FRMPD4: variants seen among roughly 807,000 people sequenced by gnomAD.
The protein encoded by FRMPD4 is FERM and PDZ domain containing 4, also known as FERM and PDZ domain-containing protein 4.
FRMPD4 carries 22 observed loss-of-function variants against 94.1 expected under a neutral mutation model. The observed-to-expected ratio is 0.23, with a 90% CI of 0.17 to 0.33. The LOEUF (loss-of-function observed/expected upper bound fraction) is 0.33, where lower values mean the gene tolerates loss of function less well. Among genes scored for constraint, FRMPD4 ranks in the 10% least tolerant of loss-of-function variants. FRMPD4 has a pLI of 1.00. For missense variants in FRMPD4, 1,111 were observed against 1,339.9 expected (o/e 0.83, Z 2.67); for synonymous variants, 631 against 548.6 (o/e 1.15, Z -2.10).
At chrX:12,581,827 C>T (rs1911496008) in intron 2 of FRMPD4, among the ~76,000 whole-genome samples, 1 of 111,943 alleles carries the variant, frequency 8.9e-6, no homozygotes, top group South Asian at 3.8e-4. Flanking sequence ...TGATTCACTC[C>T]CTCTCTTCCT....
In FRMPD4 at chrX:12,326,411, C is replaced by G. The variant is rs151129081; in HGVS notation, c.42-172269C>G. Among the ~76,000 whole-genome samples the G allele has an allele frequency of 8.4e-3, 942 of 111,764 alleles. 12 individuals are homozygous for G. Among genetic ancestry groups the G allele is most frequent in the African/African-American group, 0.03 (907 of 30,712 alleles). On this transcript the variant is annotated intron_variant, in intron 1 of 16. Transcript: ENST00000675598. ...TAATTCTTTGTTGTTAGGTGCAGTC[C>G]TGTGCATTGTAAGGTATGTAACAGG...
At chrX:11,987,098 T>A (rs58476068) in intron 3 of FRMPD4, among the ~76,000 whole-genome samples, 230 of 21,830 alleles carry the variant, frequency 0.011, 4 homozygotes, top group African/African-American at 0.049. Flanking sequence ...AAAGACACAT[T>A]AAAAAAAAAA....
chrX:12,666,305 A>T (rs2059778614), intron 4 of FRMPD4, among the ~76,000 whole-genome samples: 1 of 111,267 alleles, frequency 9.0e-6, no homozygotes, highest in East Asian at 2.8e-4. Context: ...CTACAAAGAG[A>T]CTTAGACTCC....
chrX:12,567,901 T>C (rs1382822395), intron 2 of FRMPD4, among the ~76,000 whole-genome samples: 1 of 111,858 alleles, frequency 8.9e-6, no homozygotes. Context: ...TAGTCTCAGG[T>C]TTTGGTAACA....
intron 3 of FRMPD4, among the ~76,000 whole-genome samples, chrX:11,902,201 G>A (rs1394641384): frequency 8.9e-6 from 1 of 112,594 alleles, no homozygotes; most frequent in Non-Finnish European, 1.9e-5. Flanking sequence ...TATGAAAGAT[G>A]CAATTTGACA....
intron 1 of FRMPD4, among the ~76,000 whole-genome samples, chrX:12,143,431 A>G (rs5935244): frequency 0.16 from 17,875 of 112,459 alleles, 1,048 homozygotes; most frequent in South Asian, 0.35. Context: ...TGTATTATCT[A>G]TGGCTGCATT....
At chrX:12,490,514 G>A (rs1477454996) in intron 1 of FRMPD4, among the ~76,000 whole-genome samples, 1 of 112,202 alleles carries the variant, frequency 8.9e-6, no homozygotes, top group East Asian at 2.8e-4. Flanking sequence ...GTACAAACTA[G>A]GCATTCAATC....
At chrX:12,655,859 T>G (rs775757478) in intron 4 of FRMPD4, among the ~76,000 whole-genome samples, 1 of 112,287 alleles carries the variant, frequency 8.9e-6, no homozygotes, top group Non-Finnish European at 1.9e-5. Flanking sequence ...TATTACTAAC[T>G]GCTCACCAGG....
At chrX:11,964,156 G>T (rs10284049) in intron 3 of FRMPD4, among the ~76,000 whole-genome samples, 1,998 of 97,227 alleles carry the variant, frequency 0.021, 18 homozygotes, top group East Asian at 0.045. Flanking sequence ...TGCTTTTTTT[G>T]TTGTTGTTGT....
chrX:12,470,433 C>G (rs1462795442), intron 1 of FRMPD4, among the ~76,000 whole-genome samples: 1 of 111,818 alleles, frequency 8.9e-6, no homozygotes, highest in Admixed American at 9.5e-5. Context: ...CTGTATCACC[C>G]GCCTTCACTG....
chrX:12,276,981 C>T (rs937554274), intron 1 of FRMPD4, among the ~76,000 whole-genome samples: 2 of 106,256 alleles, frequency 1.9e-5, no homozygotes, highest in Admixed American at 1.0e-4. Context: ...ATTAGCCGGG[C>T]GTAGTGGCGG....
intron 1 of FRMPD4, among the ~76,000 whole-genome samples, chrX:12,202,211 A>G (rs1271084356): frequency 8.9e-6 from 1 of 111,756 alleles, no homozygotes; most frequent in Non-Finnish European, 1.9e-5. Context: ...CTAGAGGCTT[A>G]TATTTATAGC....
chrX:11,885,365 G>C (rs2053839841), intron 3 of FRMPD4, among the ~76,000 whole-genome samples: 1 of 110,752 alleles, frequency 9.0e-6, no homozygotes, highest in African/African-American at 3.3e-5. Context: ...GAGACAGAGA[G>C]TAGACTGGTG....
intron 1 of FRMPD4, among the ~76,000 whole-genome samples, chrX:12,496,694 C>A (rs1353002264): frequency 2.7e-5 from 3 of 111,364 alleles, no homozygotes; most frequent in Non-Finnish European, 5.7e-5. Flanking sequence ...CATACTAAGG[C>A]CTTTCAGATC....
intron 4 of FRMPD4, among the ~76,000 whole-genome samples, chrX:12,671,773 G>A (rs2059846862): frequency 9.0e-6 from 1 of 111,049 alleles, no homozygotes; most frequent in Non-Finnish European, 1.9e-5. Context: ...TTGGGAATAA[G>A]TAGAGCACGC....
intron 2 of FRMPD4, among the ~76,000 whole-genome samples, chrX:12,588,810 T>G (rs763992856): frequency 8.9e-6 from 1 of 112,405 alleles, no homozygotes; most frequent in Non-Finnish European, 1.9e-5. Flanking sequence ...AAATTCTTTT[T>G]CTGCCTATTT....
At chrX:12,406,126 G>A (rs1569263531) in intron 1 of FRMPD4, among the ~76,000 whole-genome samples, 1 of 110,944 alleles carries the variant, frequency 9.0e-6, no homozygotes, top group East Asian at 2.8e-4. Flanking sequence ...CAGGCATCTA[G>A]TAGGTAGAGG....
At chrX:11,894,268 T>C (rs990911670) in intron 3 of FRMPD4, among the ~76,000 whole-genome samples, 9 of 112,212 alleles carry the variant, frequency 8.0e-5, no homozygotes, top group Non-Finnish European at 1.9e-5. Flanking sequence ...GAAACTCTCA[T>C]CATATGAGAG....
chrX:12,401,648 T>C (rs1404135337), intron 1 of FRMPD4, among the ~76,000 whole-genome samples: 2 of 111,803 alleles, frequency 1.8e-5, no homozygotes, highest in Non-Finnish European at 3.8e-5. Context: ...GGGATGATGA[T>C]TAAAGATATC....
Sources: allele counts gnomAD v4.1 joint callset (sites outside exome capture counted in the v4.1 genomes callset), GRCh38; gene constraint gnomAD v4.1.1; transcripts MANE v1.5; gene names NCBI Gene and HGNC (gene_info 2026-07-23, HGNC 2026-07-21).